PDXDC1: variants seen among roughly 807,000 people sequenced by gnomAD.
The protein encoded by PDXDC1 is pyridoxal dependent decarboxylase domain containing 1.
In PDXDC1, 42 loss-of-function variants were observed where a neutral mutation model predicts 100.1. That is an observed-to-expected ratio of 0.42 (90% confidence interval 0.33 to 0.54). The LOEUF (loss-of-function observed/expected upper bound fraction) is 0.54, where lower values mean the gene tolerates loss of function less well. Among genes scored for constraint, PDXDC1 ranks in the 20% least tolerant of loss-of-function variants. The probability of loss-of-function intolerance (pLI) is 0.10; values close to 1 mark genes in which losing one functional copy is unlikely to be tolerated. For synonymous variants in PDXDC1, 260 were observed against 371.7 expected, an observed-to-expected ratio of 0.70 and a Z score of 3.46; for missense variants, 636 against 979.2, an observed-to-expected ratio of 0.65 and a Z score of 4.68.
chr16:15,151,424 CAAAA>C, the PDXDC1 span, among the ~76,000 whole-genome samples: 1 of 14,434 alleles, frequency 6.9e-5, no homozygotes, highest in African/African-American at 2.1e-4. Flanking sequence ...GACTCCGTCT[CAAAA>C]AAAAAAAAAA....
chr16:15,106,413 C>T, intron 16 of PDXDC1: 1 of 595,530 alleles, frequency 1.7e-6, no homozygotes, highest in Non-Finnish European at 3.0e-6. Context: ...ACAACTGTAC[C>T]CTTACACAAT....
chr16:15,038,550 C>T (rs931119535), downstream of PDXDC1: 4 of 1,297,050 alleles, frequency 3.1e-6, no homozygotes, highest in African/African-American at 4.4e-5. Flanking sequence ...AGATTTAAGA[C>T]TTACCCAGCC....
rs942423674 is a variant in PDXDC1 at position 15,135,773 on chromosome 16, G to C, written c.1400-3106G>C. 2.5e-6 allele frequency: 4 copies of C among 1,596,374 alleles called. No individual in the cohort carries two copies. The African/African-American group carries it at 5.3e-5, about 21-fold the overall frequency. ...CTGTGTGTCTGACCACACGCGGTAT[G>C]AGCCACCCTCAGTGATGGGCACCAG... On this transcript the variant is annotated intron_variant, in intron 16 of 16. Coordinates refer to the PDXDC1 transcript ENST00000535621.
At chr16:14,994,984 T>C (rs541922868) in intron 1 of PDXDC1, among the ~76,000 whole-genome samples, 72 of 152,396 alleles carry the variant, frequency 4.7e-4, no homozygotes, top group African/African-American at 1.7e-3. Context: ...TTTTGCACAT[T>C]GATTCTGTAT....
chr16:15,104,304 C>T, intron 16 of PDXDC1: 3 of 1,500,432 alleles, frequency 2.0e-6, no homozygotes, highest in South Asian at 2.4e-5. Context: ...AACATAAGGA[C>T]TGCAGTATTC....
At chr16:15,142,744 C>CT (rs1271448668), downstream of PDXDC1, among the ~76,000 whole-genome samples, 1 of 152,078 alleles carries the variant, frequency 6.6e-6, no homozygotes, top group African/African-American at 2.4e-5. Context: ...CCAGCCCCCC[C>CT]ACCCCGCCCC....
chr16:15,063,370 T>A (rs1567183449), intron 16 of PDXDC1: 5 of 975,410 alleles, frequency 5.1e-6, no homozygotes, highest in South Asian at 1.3e-5. Flanking sequence ...CAAGATCTAT[T>A]ACCCAAAACC....
chr16:15,137,978 AG>A, intron 16 of PDXDC1: 1 of 664,894 alleles, frequency 1.5e-6, no homozygotes. Flanking sequence ...GGTCTATGCC[AG>A]CCCCCCACTG....
chr16:15,123,033 C>G (rs3926345), intron 16 of PDXDC1, among the ~76,000 whole-genome samples: 73 of 150,492 alleles, frequency 4.9e-4, no homozygotes, highest in East Asian at 2.2e-3. Context: ...CAACAGGACA[C>G]GCGGGGCAAG....
At chr16:14,987,548 G>C (rs1214480176) in intron 1 of PDXDC1, among the ~76,000 whole-genome samples, 1 of 152,408 alleles carries the variant, frequency 6.6e-6, no homozygotes, top group African/African-American at 2.4e-5. Flanking sequence ...CCTGCACTCA[G>C]TGCTAAGGGA....
At position 15,011,950 on chromosome 16, in the gene PDXDC1, C is replaced by T. The variant is rs150992442; in HGVS notation, c.727+2191C>T. Among the ~76,000 whole-genome samples, 1,326 of 152,328 alleles carry T rather than the reference C, an allele frequency of 8.7e-3. 18 individuals are homozygous for T. Among genetic ancestry groups the T allele is most frequent in the African/African-American group, 0.03 (1,254 of 41,536 alleles). On this transcript the variant is annotated intron_variant, in intron 8 of 22. Transcript: ENST00000396410. ...AAGTGATGGGATTACAGGCGTGAGCCGCCACACTCAGCCAGCCACTGTCCC... is the reference window on the plus strand; with the variant it reads ...AAGTGATGGGATTACAGGCGTGAGCTGCCACACTCAGCCAGCCACTGTCCC...
At chr16:15,092,997 T>G (rs1160475504) in intron 16 of PDXDC1, among the ~76,000 whole-genome samples, 1 of 152,146 alleles carries the variant, frequency 6.6e-6, no homozygotes, top group Non-Finnish European at 1.5e-5. Context: ...TTCCCAAATC[T>G]CTACGTGGCT....
chr16:15,015,327 T>C (rs2041706642), intron 8 of PDXDC1, among the ~76,000 whole-genome samples: 1 of 152,290 alleles, frequency 6.6e-6, no homozygotes, highest in South Asian at 2.1e-4. Context: ...AAGTTTATCT[T>C]GGACAAATGC....
downstream of PDXDC1, among the ~76,000 whole-genome samples, chr16:15,041,460 G>C (rs567386522): frequency 3.3e-5 from 5 of 152,250 alleles, no homozygotes; most frequent in South Asian, 1.0e-3. Flanking sequence ...TGGTGGACGA[G>C]GGCAAGGGGA....
intron 16 of PDXDC1, among the ~76,000 whole-genome samples, chr16:15,067,723 A>G (rs1442506653): frequency 6.6e-6 from 1 of 152,036 alleles, no homozygotes; most frequent in Non-Finnish European, 1.5e-5. Flanking sequence ...TATAAAAACA[A>G]TAGCTGTATC....
chr16:15,148,371 T>C, the PDXDC1 span, among the ~76,000 whole-genome samples: 1 of 18,646 alleles, frequency 5.4e-5, no homozygotes, highest in Non-Finnish European at 1.9e-4. Flanking sequence ...GATCCTGTGA[T>C]TTTTTTTTTT....
At chr16:15,127,536 C>A in intron 16 of PDXDC1, 1 of 1,410,680 alleles carries the variant, frequency 7.1e-7, no homozygotes, top group Non-Finnish European at 9.8e-7. Flanking sequence ...CCACGCTGGA[C>A]ACCAGGCCAA....
chr16:15,033,527 G>A lies in PDXDC1; in HGVS notation c.1812+128G>A, dbSNP rs1425627480. The A allele has an allele frequency of 4.6e-6, 5 of 1,098,506 alleles. No homozygotes were observed. In the East Asian group the frequency reaches 7.3e-5, roughly 16 times the overall value. 68.0% of individuals were successfully genotyped at this position (1,098,506 alleles called of 1,614,324 possible). A position where few individuals can be genotyped will look rare whatever the true frequency, so the allele number is the denominator to read the frequency against. ...CTCTCAAAGTCTGTCAATGTTTCCT[G>A]TAAGCTGGGCCTTGTGCCAGGTGTC... On this transcript the variant is annotated intron_variant, in intron 19 of 22. Transcript: ENST00000396410.
At chr16:15,031,535 C>A (rs374110431) in intron 16 of PDXDC1, among the ~76,000 whole-genome samples, 200 bp from the exon 17 acceptor site, 21 of 152,312 alleles carry the variant, frequency 1.4e-4, no homozygotes, top group African/African-American at 5.1e-4. Context: ...CACTCCACAC[C>A]TGCTACAGCC....
Sources: allele counts gnomAD v4.1 joint callset (sites outside exome capture counted in the v4.1 genomes callset), GRCh38; gene constraint gnomAD v4.1.1; transcripts MANE v1.5; gene names NCBI Gene and HGNC (gene_info 2026-07-23, HGNC 2026-07-21).